Variants in MAP2K5 observed in about 807,000 individuals in gnomAD.
MAP2K5 encodes mitogen-activated protein kinase kinase 5, also known as dual specificity mitogen-activated protein kinase kinase 5.
Under a neutral mutation model 83.1 loss-of-function variants are expected in MAP2K5, and 49 were observed. The observed-to-expected ratio is 0.59, with a 90% CI of 0.47 to 0.75. MAP2K5 has a LOEUF of 0.75. Among genes scored for constraint, MAP2K5 ranks in the 30% least tolerant of loss-of-function variants. MAP2K5 has a pLI of 0.00. For synonymous variants in MAP2K5, 202 were observed against 191.8 expected, an observed-to-expected ratio of 1.05 and a Z score of -0.44; for missense variants, 457 against 557.5, an observed-to-expected ratio of 0.82 and a Z score of 1.82.
At chr15:67,598,768 G>A (rs2085583566) in intron 7 of MAP2K5, among the ~76,000 whole-genome samples, 1 of 152,178 alleles carries the variant, frequency 6.6e-6, no homozygotes, top group East Asian at 1.9e-4. Flanking sequence ...CCCCTCCAGA[G>A]TGTAGACTCT....
intron 3 of MAP2K5, among the ~76,000 whole-genome samples, chr15:67,575,925 T>TCTTTCTTTCTTTC (rs1352481846): frequency 6.8e-5 from 10 of 146,184 alleles, no homozygotes; most frequent in Non-Finnish European, 1.5e-4. Flanking sequence ...TCTTTTTTTT[T>TCTTTCTTTCTTTC]TTTTTTTTTT....
At position 67,559,743 on chromosome 15, in the gene MAP2K5, A is replaced by G. The variant is rs1159916602; in HGVS notation, c.185-3540A>G. ...AAATCATATTACTATGCTCCAGGCA[A>G]CTAGAGAAGCCTGGAATTCTCATTG... On this transcript the variant is annotated intron_variant, in intron 2 of 21. Transcript: ENST00000178640. The surrounding 1 kb of genome is among the most constrained non-coding windows in gnomAD (Gnocchi z 4.7). Among the ~76,000 whole-genome samples the G allele has an allele frequency of 6.6e-6, 1 of 152,192 alleles. No individual in the cohort carries two copies. Among genetic ancestry groups the G allele is most frequent in the Non-Finnish European group, 1.5e-5 (1 of 68,032 alleles).
At position 67,690,825 on chromosome 15, in the gene MAP2K5, C is replaced by T. The variant is rs115876847; in HGVS notation, c.848-1654C>T. On this transcript the variant is annotated intron_variant, in intron 13 of 21. Transcript: ENST00000178640. The surrounding 1 kb of genome is among the most constrained non-coding windows in gnomAD (Gnocchi z 4.3). ...TTGGGATTACATGCGTGAGCCACTG[C>T]TCCCGGCCATGTATTAGTAAATTTA... 5.4e-3 allele frequency among the ~76,000 whole-genome samples: 815 copies of T among 152,300 alleles called. 7 individuals are homozygous for T. The highest frequency in any genetic ancestry group is 0.017 in the African/African-American group (696 of 41,560).
intron 3 of MAP2K5, among the ~76,000 whole-genome samples, chr15:67,569,151 C>G (rs1391195875): frequency 1.3e-5 from 2 of 152,060 alleles, no homozygotes; most frequent in Admixed American, 6.5e-5. Context: ...AGCATCAGGG[C>G]CTTAGCTATT....
At chr15:67,741,722 C>T (rs2089497279) in intron 17 of MAP2K5, among the ~76,000 whole-genome samples, 1 of 151,932 alleles carries the variant, frequency 6.6e-6, no homozygotes, top group African/African-American at 2.4e-5. Flanking sequence ...ACCAAAATAC[C>T]AACTGATCAT....
At position 67,781,901 on chromosome 15, in the gene MAP2K5, T is replaced by C. The variant is rs2090334010; in HGVS notation, c.1242+9149T>C. Among the ~76,000 whole-genome samples the C allele has an allele frequency of 6.6e-6, 1 of 152,194 alleles. No individual in the cohort carries two copies. The highest frequency in any genetic ancestry group is 1.5e-5 in the Non-Finnish European group (1 of 68,020). On this transcript the variant is annotated intron_variant, in intron 21 of 21. Transcript: ENST00000178640. This position sits in a 1 kb window ranked among gnomAD's most constrained non-coding sequence, Gnocchi z 4.0. ...TGGCATTGACAAAAATTTGTATAAATAGGGTACATTTTTTCCACTTAAGAG... is the reference window on the plus strand; with the variant it reads ...TGGCATTGACAAAAATTTGTATAAACAGGGTACATTTTTTCCACTTAAGAG...
At chr15:67,787,849 A>C (rs897171823) in intron 21 of MAP2K5, among the ~76,000 whole-genome samples, 2 of 152,376 alleles carry the variant, frequency 1.3e-5, no homozygotes, top group Admixed American at 6.5e-5. Context: ...TCATATATTT[A>C]AACTGTTTAC....
chr15:67,659,133 C>T, intron 12 of MAP2K5: 2 of 237,420 alleles, frequency 8.4e-6, no homozygotes, highest in South Asian at 1.1e-4. Flanking sequence ...TTCCCATATT[C>T]TTGTATTTTC....
chr15:67,693,654 C>G (rs2088171885), intron 15 of MAP2K5, 86 bp downstream of exon 15: 1 of 1,006,920 alleles, frequency 9.9e-7, no homozygotes, highest in Non-Finnish European at 1.6e-6. Flanking sequence ...GAATTAATTC[C>G]ACAGCTTTAG....
chr15:67,579,197 G>T (rs1025216019), intron 3 of MAP2K5, among the ~76,000 whole-genome samples: 4 of 152,116 alleles, frequency 2.6e-5, no homozygotes, highest in Admixed American at 6.5e-5. Context: ...CCATTAAAAA[G>T]AATACCTGAG....
chr15:67,648,202 A>G (rs2086871551), intron 11 of MAP2K5, among the ~76,000 whole-genome samples: 2 of 152,026 alleles, frequency 1.3e-5, no homozygotes, highest in Non-Finnish European at 2.9e-5. Flanking sequence ...CCAGAAAGAG[A>G]CTTCCTACCT....
intron 3 of MAP2K5, among the ~76,000 whole-genome samples, chr15:67,574,508 G>T (rs1371296817): frequency 6.6e-6 from 1 of 151,834 alleles, no homozygotes; most frequent in African/African-American, 2.4e-5. Context: ...GGAGGCGGAA[G>T]TTGTATTGAG....
At chr15:67,608,117 A>T (rs1865289015) in intron 8 of MAP2K5, among the ~76,000 whole-genome samples, 1 of 152,222 alleles carries the variant, frequency 6.6e-6, no homozygotes, top group African/African-American at 2.4e-5. Flanking sequence ...TAAACATTAC[A>T]TTAGCGCACT....
chr15:67,723,866 T>A (rs935048719), intron 16 of MAP2K5, among the ~76,000 whole-genome samples: 1 of 152,214 alleles, frequency 6.6e-6, no homozygotes, highest in African/African-American at 2.4e-5. Context: ...TTGTTGTGAT[T>A]CTTTTTTTTT....
At chr15:67,761,576 A>G (rs1448037208) in intron 19 of MAP2K5, among the ~76,000 whole-genome samples, 2 of 152,208 alleles carry the variant, frequency 1.3e-5, no homozygotes, top group Non-Finnish European at 2.9e-5. Flanking sequence ...TCAGGAGGAC[A>G]TACAGTGTGG....
At position 67,550,111 on chromosome 15, in the gene MAP2K5, T is replaced by G. The variant is rs377510468; in HGVS notation, c.184+29T>G. On this transcript the variant is annotated intron_variant, in intron 2 of 21. Transcript: ENST00000178640. ...AGTCTGGCTTGTATACTTTCTTGAC[T>G]ATTCCTTTCTGCAGTCATTTTTTAA... The G allele has an allele frequency of 2.5e-6, 4 of 1,599,272 alleles. No homozygotes were observed. The Admixed American group carries it at 6.7e-5, about 27-fold the overall frequency.
intron 11 of MAP2K5, among the ~76,000 whole-genome samples, chr15:67,654,297 C>T (rs903290826): frequency 6.6e-6 from 1 of 152,234 alleles, no homozygotes; most frequent in African/African-American, 2.4e-5. Context: ...TCTCTAGTAA[C>T]AATATTTAAC....
chr15:67,709,150 G>A (rs545944023), intron 16 of MAP2K5, among the ~76,000 whole-genome samples: 6 of 152,308 alleles, frequency 3.9e-5, no homozygotes, highest in African/African-American at 1.4e-4. Flanking sequence ...TTCCCCTCCT[G>A]TGGATTAGTT....
intron 15 of MAP2K5, among the ~76,000 whole-genome samples, chr15:67,699,266 G>T (rs930441710): frequency 6.6e-6 from 1 of 151,934 alleles, no homozygotes; most frequent in Non-Finnish European, 1.5e-5. Flanking sequence ...TTATTCCTGA[G>T]GGCATTTGCC....
Sources: gnomAD v4.1 joint callset for allele counts (sites outside exome capture counted in the v4.1 genomes callset) on GRCh38, gnomAD v4.1.1 for gene constraint, Gnocchi (gnomAD v3.1) non-coding constraint, MANE v1.5 for transcripts, NCBI Gene and HGNC (gene_info 2026-07-23, HGNC 2026-07-21) for gene names.